The following BABAM2 variants were observed in gnomAD, a reference collection of about 807,000 sequenced individuals.
The protein encoded by BABAM2 is BRISC and BRCA1 A complex member 2, also known as BRISC and BRCA1-A complex member 2.
In BABAM2, 31 loss-of-function variants were observed where a neutral mutation model predicts 54.7. That is an observed-to-expected ratio of 0.57 (90% CI 0.43 to 0.77). The LOEUF (loss-of-function observed/expected upper bound fraction) is 0.77. Ranked by LOEUF, BABAM2 falls within the 30% of genes least tolerant of loss-of-function variation. The pLI, the probability that BABAM2 is intolerant of heterozygous loss-of-function variation, is 0.00. For missense variants in BABAM2, 364 were observed against 455.8 expected (o/e 0.80, Z 1.83); for synonymous variants, 167 against 162.9 (o/e 1.03, Z -0.19).
chr2:28,231,425 G>A (rs149719372), intron 7 of BABAM2, among the ~76,000 whole-genome samples: 46 of 152,322 alleles, frequency 3.0e-4, no homozygotes, highest in African/African-American at 1.0e-3. Flanking sequence ...CATACAGTTA[G>A]TGTTTGTTGA....
chr2:28,040,536 G>A (rs1051794012), intron 5 of BABAM2, among the ~76,000 whole-genome samples: 4 of 151,754 alleles, frequency 2.6e-5, no homozygotes, highest in Non-Finnish European at 4.4e-5. Flanking sequence ...TCCTGACCTC[G>A]TGATCCGCCC....
chr2:28,190,304 C>A (rs1407937493), intron 7 of BABAM2, among the ~76,000 whole-genome samples: 1 of 152,176 alleles, frequency 6.6e-6, no homozygotes, highest in African/African-American at 2.4e-5. Flanking sequence ...CAAGCACCGG[C>A]AGATTGAGTG....
At chr2:28,289,478 G>GT (rs973291896) in intron 10 of BABAM2, among the ~76,000 whole-genome samples, 76 of 152,220 alleles carry the variant, frequency 5.0e-4, no homozygotes, top group African/African-American at 1.3e-3. Flanking sequence ...TTGCTTCTGA[G>GT]TTTTTTTAAA....
intron 7 of BABAM2, among the ~76,000 whole-genome samples, chr2:28,189,309 G>A (rs1676653698): frequency 6.6e-6 from 1 of 152,308 alleles, no homozygotes; most frequent in South Asian, 2.1e-4. Context: ...TTGCAATTTA[G>A]TTGGGTAGAT....
At chr2:28,146,401 C>T (rs921096983) in intron 7 of BABAM2, among the ~76,000 whole-genome samples, 7 of 152,054 alleles carry the variant, frequency 4.6e-5, no homozygotes, top group Admixed American at 3.3e-4. Context: ...TTTATGTCCC[C>T]GATAGCAGAT....
Position 28,237,279 on chromosome 2 carries a change from T to C in BABAM2, c.758T>C (p.Val253Ala). ...TGTCTCATTGATTACGTTCCTCAAG[T>C]ATGCCACCTGCTCACCAACAAGGTA... ...GGCLIDYVPQ[V>A]CHLLTNKVQY... Residue 253 changes from valine to alanine, a missense_variant, in exon 8 of 12, where the codon GTA becomes GCA. By Grantham distance (64) the Val-to-Ala change is moderately conservative (BLOSUM62 0). Coordinates refer to ENST00000379624, the MANE Select transcript of BABAM2 (RefSeq NM_199191.3). 1.2e-6 allele frequency: 2 copies of C among 1,613,760 alleles called. No individual in the cohort carries two copies. The highest frequency in any genetic ancestry group is 1.7e-6 in the Non-Finnish European group (2 of 1,179,752).
chr2:28,292,167 T>C (rs1490113402), intron 10 of BABAM2, among the ~76,000 whole-genome samples: 2 of 152,292 alleles, frequency 1.3e-5, no homozygotes, highest in East Asian at 1.9e-4. Context: ...CGCAGAAATA[T>C]ATAGTTTGGA....
intron 7 of BABAM2, among the ~76,000 whole-genome samples, chr2:28,180,648 C>T (rs749141249): frequency 6.6e-6 from 1 of 152,002 alleles, no homozygotes; most frequent in Non-Finnish European, 1.5e-5. Flanking sequence ...TTCTGCACAA[C>T]AAAGGAAACA....
At chr2:27,952,505 G>A (rs932583339) in intron 3 of BABAM2, among the ~76,000 whole-genome samples, 2 of 152,110 alleles carry the variant, frequency 1.3e-5, no homozygotes, top group Non-Finnish European at 2.9e-5. Context: ...ATAATGAAGG[G>A]TGTTTAGGAA....
At chr2:28,217,994 T>G (rs766304650) in intron 7 of BABAM2, among the ~76,000 whole-genome samples, 1 of 152,258 alleles carries the variant, frequency 6.6e-6, no homozygotes, top group Non-Finnish European at 1.5e-5. Flanking sequence ...TATGTTGATA[T>G]TTAAACTTAA....
At chr2:28,195,851 T>A (rs1677472120) in intron 7 of BABAM2, among the ~76,000 whole-genome samples, 1 of 152,226 alleles carries the variant, frequency 6.6e-6, no homozygotes. Context: ...GCAAGCCTAA[T>A]GCACATATAA....
intron 2 of BABAM2, among the ~76,000 whole-genome samples, chr2:27,904,503 T>A (rs991036292): frequency 3.3e-5 from 5 of 152,176 alleles, no homozygotes; most frequent in African/African-American, 1.2e-4. Flanking sequence ...TGAAGCTCAG[T>A]CGTTGACAAC....
At chr2:27,943,740 T>C (rs1669095586) in intron 3 of BABAM2, among the ~76,000 whole-genome samples, 1 of 152,236 alleles carries the variant, frequency 6.6e-6, no homozygotes. Context: ...TTTATTTTTG[T>C]CTTTTAAAAA....
At chr2:28,111,816 A>G (rs867444883) in intron 6 of BABAM2, among the ~76,000 whole-genome samples, 1 of 152,198 alleles carries the variant, frequency 6.6e-6, no homozygotes, top group African/African-American at 2.4e-5. Flanking sequence ...GCAAGGCTCT[A>G]AATGAAGTCA....
chr2:28,292,696 G>A (rs1687386596), intron 10 of BABAM2, among the ~76,000 whole-genome samples: 1 of 152,108 alleles, frequency 6.6e-6, no homozygotes, highest in South Asian at 2.1e-4. Context: ...ATGAGATGGG[G>A]GCTTCTCCTT....
chr2:28,323,285 T>C (rs1690183538), intron 11 of BABAM2, among the ~76,000 whole-genome samples: 1 of 152,226 alleles, frequency 6.6e-6, no homozygotes, highest in African/African-American at 2.4e-5. Context: ...CCAGCATTCT[T>C]GAGGTCCTAA....
At chr2:28,180,882 G>A (rs1291975802) in intron 7 of BABAM2, among the ~76,000 whole-genome samples, 1 of 152,060 alleles carries the variant, frequency 6.6e-6, no homozygotes, top group Non-Finnish European at 1.5e-5. Context: ...TAATCATCAG[G>A]AAAATGAAAA....
intron 7 of BABAM2, among the ~76,000 whole-genome samples, chr2:28,172,748 T>C (rs898875808): frequency 6.6e-6 from 1 of 152,178 alleles, no homozygotes; most frequent in Non-Finnish European, 1.5e-5. Context: ...GTTCAAAGTA[T>C]CACCAGCAGA....
intron 2 of BABAM2, among the ~76,000 whole-genome samples, chr2:27,926,168 C>T (rs941017693): frequency 2.6e-5 from 4 of 151,898 alleles, no homozygotes; most frequent in Admixed American, 1.3e-4. Context: ...TGCTAAAAAC[C>T]CTGCTTTGTG....
Sources: gnomAD v4.1 joint callset for allele counts (sites outside exome capture counted in the v4.1 genomes callset) on GRCh38, gnomAD v4.1.1 for gene constraint, MANE v1.5 for transcripts, NCBI Gene and HGNC (gene_info 2026-07-23, HGNC 2026-07-21) for gene names.